Variants in RAB21 observed in about 807,000 individuals in gnomAD.
The protein encoded by RAB21 is ras-related protein Rab-21.
A neutral mutation model predicts 33.1 loss-of-function variants in RAB21; 13 were observed. The ratio of observed to expected loss-of-function variants is 0.39; its 90% CI spans 0.26 to 0.62. The LOEUF (loss-of-function observed/expected upper bound fraction) is 0.62. RAB21 is among the 20% of genes least tolerant of loss of function. RAB21 has a pLI of 0.48. For missense variants in RAB21, 234 were observed against 279.1 expected, an observed-to-expected ratio of 0.84 and a Z score of 1.15; for synonymous variants, 91 against 103.7, an observed-to-expected ratio of 0.88 and a Z score of 0.74.
rs1183314675 is a variant in RAB21 at position 71,789,004 on chromosome 12, T to G, written c.*3331T>G. 1 of 152,084 alleles carries G rather than the reference T, an allele frequency of 6.6e-6. No individual in the cohort carries two copies. The highest frequency in any genetic ancestry group is 1.9e-4 in the East Asian group (1 of 5,196). The allele number at this position is 152,084 out of a possible 1,614,324, so 9.4% of individuals were successfully genotyped here. On this transcript the variant is annotated 3_prime_UTR_variant, in exon 7 of 7. Transcript: ENST00000261263. Reference sequence around the variant, plus strand: ...GCTGTTACTGCATTGAAATCTTTTTTTTTTTTAATAGTAGCCATATGTTAT... The same window carrying G: ...GCTGTTACTGCATTGAAATCTTTTTGTTTTTTAATAGTAGCCATATGTTAT...
intron 1 of RAB21, among the ~76,000 whole-genome samples, chr12:71,769,498 T>A (rs1193712318): frequency 6.6e-6 from 1 of 152,148 alleles, no homozygotes; most frequent in Non-Finnish European, 1.5e-5. Flanking sequence ...TAAGGTAGCA[T>A]CAAATTAAAT....
chr12:71,785,970 C>T lies in RAB21; in HGVS notation c.*297C>T, dbSNP rs552509607. 2.8e-3 allele frequency: 605 copies of T among 215,712 alleles called. 2 individuals are homozygous for T. Among genetic ancestry groups the T allele is most frequent in the Non-Finnish European group, 4.3e-3 (465 of 108,168 alleles). The allele number at this position is 215,712 out of a possible 1,614,324, so 13.4% of individuals were successfully genotyped here. On this transcript the variant is annotated 3_prime_UTR_variant, in exon 7 of 7. Transcript: ENST00000261263. ...AGGCTGGAGTGCACTGGCTTGATCT[C>T]GGCTCACTGCAAGCTCCACCTCCCA... is the stretch of plus-strand genomic sequence containing the variant.
At chr12:71,763,484 C>T (rs1293722811) in intron 1 of RAB21, among the ~76,000 whole-genome samples, 1 of 151,404 alleles carries the variant, frequency 6.6e-6, no homozygotes, top group East Asian at 1.9e-4. Context: ...CTGTGATTAC[C>T]TGTCGATTTT....
chr12:71,769,545 A>T (rs1170572515), intron 1 of RAB21, among the ~76,000 whole-genome samples: 1 of 152,208 alleles, frequency 6.6e-6, no homozygotes, highest in Non-Finnish European at 1.5e-5. Context: ...AGATAAGGAA[A>T]AATATTAAGA....
intron 3 of RAB21, among the ~76,000 whole-genome samples, chr12:71,772,088 T>A (rs1883051473): frequency 6.6e-6 from 1 of 152,182 alleles, no homozygotes; most frequent in South Asian, 2.1e-4. Flanking sequence ...TTTCTCATGA[T>A]TCTGTGGGTT....
rs1883344261 is a variant in RAB21, at chr12:71,789,345, T to G, written c.*3672T>G. 1 of 152,138 alleles carries G rather than the reference T, an allele frequency of 6.6e-6. No individual in the cohort carries two copies. The highest frequency in any genetic ancestry group is 2.4e-5 in the African/African-American group (1 of 41,460). The allele number at this position is 152,138 out of a possible 1,614,324, so 9.4% of individuals were successfully genotyped here. On this transcript the variant is annotated 3_prime_UTR_variant, in exon 7 of 7. Transcript: ENST00000261263. Reference sequence around the variant, plus strand: ...TTGCAATTTTCTGTATTATAAGTGCTACCAGGATTCTAGATAGTTGATCTT... The same window carrying G: ...TTGCAATTTTCTGTATTATAAGTGCGACCAGGATTCTAGATAGTTGATCTT...
intron 1 of RAB21, among the ~76,000 whole-genome samples, chr12:71,758,378 T>C (rs1424938503): frequency 6.6e-6 from 1 of 152,148 alleles, no homozygotes; most frequent in African/African-American, 2.4e-5. Flanking sequence ...CCCCACTGAG[T>C]CTTGGTGTCT....
At chr12:71,759,804 A>T (rs551265855) in intron 1 of RAB21, among the ~76,000 whole-genome samples, 1 of 152,374 alleles carries the variant, frequency 6.6e-6, no homozygotes, top group South Asian at 2.1e-4. Context: ...TGGTGAAAAG[A>T]GAAAGGACTT....
At chr12:71,773,925 A>T (rs1231455860) in intron 3 of RAB21, 34 bp from the exon 4 acceptor site, 5 of 1,471,600 alleles carry the variant, frequency 3.4e-6, no homozygotes, top group African/African-American at 1.4e-5. Flanking sequence ...TTCCAACAGG[A>T]TTTGTTTTAA....
chr12:71,781,352 C>A (rs981348198), intron 4 of RAB21, among the ~76,000 whole-genome samples: 2 of 151,838 alleles, frequency 1.3e-5, no homozygotes, highest in Non-Finnish European at 1.5e-5. Context: ...ACCTGTAGTC[C>A]CAGCTACTCA....
Position 71,792,987 on chromosome 12 carries a change from T to C in RAB21, c.*7314T>C, listed in dbSNP as rs1472596468. ...AGCTGGAAAGAATGTTTTTGAATTT[T>C]GCAAATAATACATTTTCAAGCCAGA... On this transcript the variant is annotated 3_prime_UTR_variant, in exon 7 of 7. Transcript: ENST00000261263. 3 of 152,228 alleles carry C rather than the reference T, an allele frequency of 2.0e-5. No individual in the cohort carries two copies. In the East Asian group the frequency reaches 5.8e-4, roughly 29 times the overall value. The allele number at this position is 152,228 out of a possible 1,614,324, so 9.4% of individuals were successfully genotyped here. A position where few individuals can be genotyped will look rare whatever the true frequency, so the allele number is the denominator to read the frequency against.
chr12:71,787,720 T>C lies in RAB21; in HGVS notation c.*2047T>C, dbSNP rs955513061. 17 of 152,204 alleles carry C rather than the reference T, an allele frequency of 1.1e-4. No individual in the cohort carries two copies. The highest frequency in any genetic ancestry group is 3.9e-4 in the African/African-American group (16 of 41,448). The allele number at this position is 152,204 out of a possible 1,614,324, so 9.4% of individuals were successfully genotyped here. A position where few individuals can be genotyped will look rare whatever the true frequency, so the allele number is the denominator to read the frequency against. On this transcript the variant is annotated 3_prime_UTR_variant, in exon 7 of 7. Coordinates refer to ENST00000261263, the MANE Select transcript of RAB21 (RefSeq NM_014999.4). ...AAACTCAACACAGACTTTTCTGTTA[T>C]GTGTTTTTGAGGAAGTTGGGGTGGG... is the stretch of plus-strand genomic sequence containing the variant.
intron 1 of RAB21, among the ~76,000 whole-genome samples, chr12:71,763,857 T>C (rs1882915623): frequency 6.6e-6 from 1 of 152,098 alleles, no homozygotes; most frequent in Admixed American, 6.5e-5. Context: ...ATAGTTAGCT[T>C]TGTGCAATGG....
intron 1 of RAB21, among the ~76,000 whole-genome samples, chr12:71,765,963 T>G (rs567432967): frequency 2.0e-5 from 3 of 152,090 alleles, no homozygotes; most frequent in Non-Finnish European, 2.9e-5. Flanking sequence ...AACTTAGGAT[T>G]TATATCAAAT....
rs189082969 is a variant in RAB21, at chr12:71,781,286, A to G, written c.392-745A>G. Among the ~76,000 whole-genome samples, 639 of 152,106 alleles carry G rather than the reference A, an allele frequency of 4.2e-3. 6 individuals carry two copies. The highest frequency in any genetic ancestry group is 0.015 in the African/African-American group (605 of 41,520). ...AGTTCGAGACCATCCTGGCTAACAC[A>G]GTGAAACCCCATCTCTACTAAAAAT... On this transcript the variant is annotated intron_variant, in intron 4 of 6. Coordinates refer to ENST00000261263, the MANE Select transcript of RAB21 (RefSeq NM_014999.4).
chr12:71,758,960 G>T (rs1212024584), intron 1 of RAB21, among the ~76,000 whole-genome samples: 1 of 152,150 alleles, frequency 6.6e-6, no homozygotes. Context: ...GATTCTCTGA[G>T]CTTTTAGGGA....
chr12:71,780,214 C>G (rs1883177462), intron 4 of RAB21, among the ~76,000 whole-genome samples: 1 of 152,100 alleles, frequency 6.6e-6, no homozygotes, highest in Non-Finnish European at 1.5e-5. Flanking sequence ...CTTTTCCTCT[C>G]TTCACTCTTT....
Position 71,782,011 on chromosome 12 carries a change from A to G in RAB21, c.392-20A>G. On this transcript the variant is annotated intron_variant, in intron 4 of 6. Transcript: ENST00000261263. ...AAAATAAATCAGTATAAAGATAAAT[A>G]TTTACTTTTTTCAAAATAGGTAATA... The G allele has an allele frequency of 1.3e-6, 2 of 1,540,242 alleles. No individual in the cohort carries two copies. Among genetic ancestry groups the G allele is most frequent in the South Asian group, 2.3e-5 (2 of 88,524 alleles).
At chr12:71,757,244 A>G (rs1324461604) in intron 1 of RAB21, among the ~76,000 whole-genome samples, 1 of 152,076 alleles carries the variant, frequency 6.6e-6, no homozygotes, top group Non-Finnish European at 1.5e-5. Flanking sequence ...AGTAGCTGGG[A>G]TTACAGGCAC....
Sources: gnomAD v4.1 joint callset for allele counts (sites outside exome capture counted in the v4.1 genomes callset) on GRCh38, gnomAD v4.1.1 for gene constraint, MANE v1.5 for transcripts, NCBI Gene and HGNC (gene_info 2026-07-23, HGNC 2026-07-21) for gene names.